WDR75: variants seen among roughly 807,000 people sequenced by gnomAD.
The protein encoded by WDR75 is WD repeat-containing protein 75.
WDR75 carries 52 observed loss-of-function variants against 106.1 expected under a neutral mutation model. The observed-to-expected ratio is 0.49, with a 90% CI of 0.39 to 0.62. The LOEUF (loss-of-function observed/expected upper bound fraction) is 0.62, where lower values mean the gene tolerates loss of function less well. Among genes scored for constraint, WDR75 ranks in the 20% least tolerant of loss-of-function variants. WDR75 has a pLI of 0.00. For missense variants in WDR75, 905 were observed against 970.3 expected (o/e 0.93, Z 0.89); for synonymous variants, 333 against 335.5 (o/e 0.99, Z 0.08).
intron 7 of WDR75, 126 bp downstream of exon 7, chr2:189,458,998 A>G: frequency 8.4e-7 from 1 of 1,196,766 alleles, no homozygotes; most frequent in Non-Finnish European, 1.1e-6. Flanking sequence ...TTTTCATTTC[A>G]TACTTACTGT....
Position 189,455,387 on chromosome 2 carries a change from G to T in WDR75, c.441G>T (p.Leu147=). The change falls in exon 5 of 21, where the codon CTG becomes CTT. Residue 147 remains leucine (L), a synonymous_variant. Coordinates refer to ENST00000314761, the MANE Select transcript of WDR75 (RefSeq NM_032168.3). ...GCCAGGAAGTAGAAGCCAAGGAGCTGTCCTTTGTTTTGGATTACATAAACC... is the reference window on the plus strand; with the variant it reads ...GCCAGGAAGTAGAAGCCAAGGAGCTTTCCTTTGTTTTGGATTACATAAACC... ...SSSQEVEAKE[L]SFVLDYINQS... is the part of the protein sequence containing the mutation. 6.2e-7 allele frequency: 1 copy of T among 1,614,130 alleles called. No homozygotes were observed. The highest frequency in any genetic ancestry group is 1.1e-5 in the South Asian group (1 of 91,086).
chr2:189,463,881 A>G lies in WDR75; in HGVS notation c.1033A>G (p.Arg345Gly). The G allele has an allele frequency of 6.2e-7, 1 of 1,613,952 alleles. No individual in the cohort carries two copies. The change falls in exon 11 of 21, where the codon AGA becomes GGA. Residue 345 changes from arginine to glycine, a missense_variant. Transcript: ENST00000314761. ...SIFTGLMIDPRTKALVLNGKP... is the reference protein window; with the variant it reads ...SIFTGLMIDPGTKALVLNGKP... ...CTTCACTGGTTTGATGATTGATCCAAGAACTAAAGCTTTGGTTTTGAATGG... is the reference window on the plus strand; with the variant it reads ...CTTCACTGGTTTGATGATTGATCCAGGAACTAAAGCTTTGGTTTTGAATGG...
At chr2:189,446,818 T>C (rs1424045188) in intron 1 of WDR75, among the ~76,000 whole-genome samples, 1 of 152,182 alleles carries the variant, frequency 6.6e-6, no homozygotes, top group East Asian at 1.9e-4. Context: ...CATCAATAAC[T>C]AATAAAATAG....
rs900443275 is a variant in WDR75, at chr2:189,468,697, CAT to C, written c.1723+131_1723+132del. On this transcript the variant is annotated intron_variant, in intron 15 of 20. Transcript: ENST00000314761. Reference sequence around the variant, plus strand: ...TTGGAATAGTCAGTTTTTTACGTGACATATGATGCCACCAAAATTTGGAATAC... The same window carrying C: ...TTGGAATAGTCAGTTTTTTACGTGACATGATGCCACCAAAATTTGGAATAC... 1.1e-5 allele frequency: 9 copies of C among 809,304 alleles called. No individual in the cohort carries two copies. The African/African-American group carries it at 1.2e-4, about 11-fold the overall frequency. 50.1% of individuals were successfully genotyped at this position (809,304 alleles called of 1,614,324 possible). A position where few individuals can be genotyped will look rare whatever the true frequency, so the allele number is the denominator to read the frequency against.
intron 12 of WDR75, among the ~76,000 whole-genome samples, chr2:189,465,698 C>G (rs990864390): frequency 6.6e-6 from 1 of 152,090 alleles, no homozygotes; most frequent in African/African-American, 2.4e-5. Context: ...TTGCTGTGTG[C>G]CAAGAACTTG....
chr2:189,469,922 C>G (rs1687083145), intron 16 of WDR75, among the ~76,000 whole-genome samples, 154 bp from the exon 17 acceptor site: 1 of 152,166 alleles, frequency 6.6e-6, no homozygotes, highest in Non-Finnish European at 1.5e-5. Flanking sequence ...AGTAGGAACA[C>G]AGTAGATACC....
At chr2:189,446,019 C>A (rs1340021719) in intron 1 of WDR75, among the ~76,000 whole-genome samples, 1 of 152,104 alleles carries the variant, frequency 6.6e-6, no homozygotes, top group Non-Finnish European at 1.5e-5. Context: ...GGAAAGTTTT[C>A]TTGGCCAACA....
chr2:189,443,979 T>G (rs1294984717), intron 1 of WDR75, among the ~76,000 whole-genome samples: 4 of 152,132 alleles, frequency 2.6e-5, no homozygotes, highest in Admixed American at 2.6e-4. Context: ...AATGGGGAGA[T>G]AGAGTTCAGT....
chr2:189,454,724 C>T (rs1033215207), intron 4 of WDR75, among the ~76,000 whole-genome samples: 3 of 151,884 alleles, frequency 2.0e-5, no homozygotes, highest in Admixed American at 6.6e-5. Flanking sequence ...AGGGTTTCAC[C>T]GTGTTAGCCA....
Position 189,469,422 on chromosome 2 carries a change from C to G in WDR75, c.1802C>G (p.Ser601Cys). 6.2e-7 allele frequency: 1 copy of G among 1,612,750 alleles called. No individual in the cohort carries two copies. The highest frequency in any genetic ancestry group is 8.5e-7 in the Non-Finnish European group (1 of 1,178,922). Residue 601 changes from serine (S) to cysteine (C), a missense_variant, in exon 16 of 21, where the codon TCT (serine) becomes TGT (cysteine). Ser to Cys is a moderately radical substitution (Grantham distance 112). Transcript: ENST00000314761. The part of the protein sequence containing the change: ...NSENIAAISQ[S>C]SVGSDLFVFK... ...GAGAATATTGCTGCAATCTCTCAGT[C>G]TTCAGTGGGTTCAGACTGTAAGTAC...
intron 12 of WDR75, among the ~76,000 whole-genome samples, chr2:189,466,082 A>G (rs1686993116): frequency 6.6e-6 from 1 of 152,156 alleles, no homozygotes; most frequent in Non-Finnish European, 1.5e-5. Context: ...AAAAGTAGGC[A>G]GGAATCTGGG....
At chr2:189,460,943 C>T (rs193195135) in intron 8 of WDR75, among the ~76,000 whole-genome samples, 14 of 152,092 alleles carry the variant, frequency 9.2e-5, no homozygotes, top group Admixed American at 8.5e-4. Flanking sequence ...GAAAAAATAG[C>T]TGCGTAAATA....
intron 20 of WDR75, 55 bp from the exon 21 acceptor site, chr2:189,475,158 G>A (rs1687188506): frequency 7.5e-7 from 1 of 1,340,542 alleles, no homozygotes; most frequent in East Asian, 2.4e-5. Flanking sequence ...AAATTAGAAA[G>A]TTACTGTTTA....
chr2:189,458,735 G>GTTT lies in WDR75; in HGVS notation c.570-10_570-8dup. On this transcript the variant is annotated splice_polypyrimidine_tract_variant and intron_variant, in intron 6 of 20. Coordinates refer to ENST00000314761, the MANE Select transcript of WDR75 (RefSeq NM_032168.3). ...GAGACTTTAATAATTAAGGGAATTT[G>GTTT]TTTTTTTTTTCTCCTAGGTTTACTT... 2.2e-6 allele frequency: 3 copies of GTTT among 1,391,902 alleles called. No homozygotes were observed. The highest frequency in any genetic ancestry group is 2.9e-6 in the Non-Finnish European group (3 of 1,038,334). 86.2% of individuals were successfully genotyped at this position (1,391,902 alleles called of 1,614,324 possible).
chr2:189,469,598 C>T (rs550712165), intron 16 of WDR75, among the ~76,000 whole-genome samples, 159 bp downstream of exon 16: 2 of 152,218 alleles, frequency 1.3e-5, no homozygotes, highest in South Asian at 2.1e-4. Flanking sequence ...TCATTGTGTG[C>T]GTCCATACTT....
intron 3 of WDR75, among the ~76,000 whole-genome samples, chr2:189,451,579 A>G (rs191486910): frequency 6.6e-6 from 1 of 152,364 alleles, no homozygotes; most frequent in African/African-American, 2.4e-5. Flanking sequence ...CCTTGATGTC[A>G]GTTAAAATTA....
chr2:189,469,544 G>A, intron 16 of WDR75, 105 bp downstream of exon 16: 1 of 935,000 alleles, frequency 1.1e-6, no homozygotes, highest in Non-Finnish European at 1.7e-6. Context: ...TTAATTGGAA[G>A]CCATTTTGCT....
At position 189,457,376 on chromosome 2, in the gene WDR75, A is replaced by G; in HGVS notation, c.564A>G (p.Thr188=). ...LSVYFFKKKT[T]SRFTLSSSRN... Reference sequence around the variant, plus strand: ...TTTATTTTTTCAAAAAGAAAACAACATCAAGGTAAGAATTATTTTTTATTA... The same window carrying G: ...TTTATTTTTTCAAAAAGAAAACAACGTCAAGGTAAGAATTATTTTTTATTA... Residue 188 remains threonine (T), a synonymous_variant, in exon 6 of 21, where the codon ACA becomes ACG. Transcript: ENST00000314761. 1 of 1,587,688 alleles carries G rather than the reference A, an allele frequency of 6.3e-7. No homozygotes were observed. The highest frequency in any genetic ancestry group is 8.6e-7 in the Non-Finnish European group (1 of 1,157,910).
Position 189,458,760 on chromosome 2 carries a change from T to G in WDR75, c.577T>G (p.Leu193Val). Residue 193 changes from leucine to valine, a missense_variant, in exon 7 of 21, where the codon TTA becomes GTA. Physicochemically the swap from Leu to Val is conservative, Grantham distance 32. Coordinates refer to ENST00000314761, the MANE Select transcript of WDR75 (RefSeq NM_032168.3). ...FKKKTTSRFT[L>V]SSSRNKKHAK... is the part of the protein sequence containing the mutation. ...GTTTTTTTTTTCTCCTAGGTTTACT[T>G]TATCATCATCAAGAAATAAGAAGCA... 6.3e-7 allele frequency: 1 copy of G among 1,579,218 alleles called. No homozygotes were observed. Among genetic ancestry groups the G allele is most frequent in the Non-Finnish European group, 8.6e-7 (1 of 1,162,574 alleles).
Sources: gnomAD v4.1 joint callset for allele counts (sites outside exome capture counted in the v4.1 genomes callset) on GRCh38, gnomAD v4.1.1 for gene constraint, MANE v1.5 for transcripts, NCBI Gene and HGNC (gene_info 2026-07-23, HGNC 2026-07-21) for gene names.